The following PTPRR variants were observed in gnomAD, a reference collection of about 807,000 sequenced individuals.
The protein encoded by PTPRR is protein tyrosine phosphatase receptor type R.
PTPRR carries 38 observed loss-of-function variants against 77.2 expected under a neutral mutation model. The ratio of observed to expected loss-of-function variants is 0.49; its 90% CI spans 0.38 to 0.65. The LOEUF is 0.65. Among genes scored for constraint, PTPRR ranks in the 30% least tolerant of loss-of-function variants. PTPRR has a pLI of 0.00. For missense variants in PTPRR, 744 were observed against 799.2 expected, an observed-to-expected ratio of 0.93 and a Z score of 0.83; for synonymous variants, 299 against 283.1, an observed-to-expected ratio of 1.06 and a Z score of -0.57.
chr12:70,709,265 A>G (rs1341118351), intron 6 of PTPRR, among the ~76,000 whole-genome samples: 1 of 152,146 alleles, frequency 6.6e-6, no homozygotes, highest in Non-Finnish European at 1.5e-5. Flanking sequence ...AAAATTCAAC[A>G]TCCATTCATG....
chr12:70,806,194 C>T (rs1891706384), intron 2 of PTPRR, among the ~76,000 whole-genome samples: 1 of 152,148 alleles, frequency 6.6e-6, no homozygotes, highest in Non-Finnish European at 1.5e-5. Context: ...TGTATATTGG[C>T]TGCCTGTTTG....
chr12:70,729,044 C>T (rs1361108180), intron 6 of PTPRR, among the ~76,000 whole-genome samples: 1 of 152,138 alleles, frequency 6.6e-6, no homozygotes, highest in Non-Finnish European at 1.5e-5. Context: ...GGCTCTGCAA[C>T]AGCTGTAGAG....
At chr12:70,857,213 C>T (rs1363756967) in intron 2 of PTPRR, among the ~76,000 whole-genome samples, 1 of 152,032 alleles carries the variant, frequency 6.6e-6, no homozygotes, top group African/African-American at 2.4e-5. Context: ...CTGGGACACA[C>T]CTCTGAGGAA....
intron 8 of PTPRR, among the ~76,000 whole-genome samples, chr12:70,689,883 C>T (rs1323755212): frequency 2.0e-5 from 3 of 152,182 alleles, no homozygotes; most frequent in African/African-American, 7.2e-5. Flanking sequence ...CAATAAGATC[C>T]CAATTCTGGC....
chr12:70,653,641 C>T (rs1886475156), intron 13 of PTPRR, among the ~76,000 whole-genome samples: 1 of 152,172 alleles, frequency 6.6e-6, no homozygotes, highest in African/African-American at 2.4e-5. Flanking sequence ...ACTGTGGAAA[C>T]TTGATTGAAT....
intron 2 of PTPRR, among the ~76,000 whole-genome samples, chr12:70,810,021 T>A (rs1300060838): frequency 6.6e-6 from 1 of 152,170 alleles, no homozygotes; most frequent in Non-Finnish European, 1.5e-5. Context: ...TCATAAGATA[T>A]CCCACAAGGA....
At chr12:70,820,560 C>T (rs919434460) in intron 2 of PTPRR, among the ~76,000 whole-genome samples, 1 of 152,192 alleles carries the variant, frequency 6.6e-6, no homozygotes, top group Non-Finnish European at 1.5e-5. Context: ...GTCTCGATCT[C>T]CTGAGCTCGT....
intron 13 of PTPRR, among the ~76,000 whole-genome samples, chr12:70,652,487 C>G (rs1886432833): frequency 6.6e-6 from 1 of 152,198 alleles, no homozygotes; most frequent in African/African-American, 2.4e-5. Flanking sequence ...AGGAGAGGAT[C>G]TGTTTCATAA....
At chr12:70,896,560 A>C (rs901950637) in intron 1 of PTPRR, among the ~76,000 whole-genome samples, 8 of 151,826 alleles carry the variant, frequency 5.3e-5, no homozygotes, top group South Asian at 2.1e-4. Context: ...AGGAATCAGT[A>C]ACAGAAAGAA....
intron 2 of PTPRR, among the ~76,000 whole-genome samples, chr12:70,796,926 G>A (rs181308817): frequency 2.6e-5 from 4 of 152,260 alleles, no homozygotes; most frequent in African/African-American, 9.6e-5. Flanking sequence ...GCTGAGGCAG[G>A]AGAATCCCTC....
chr12:70,682,034 CTTTTTTTTTT>C (rs578204454), intron 10 of PTPRR, among the ~76,000 whole-genome samples: 1 of 62,722 alleles, frequency 1.6e-5, no homozygotes, highest in East Asian at 6.4e-4. Flanking sequence ...TTGTTGTTCA[CTTTTTTTTTT>C]TTTTTTTTTT....
chr12:70,815,124 AT>A, intron 2 of PTPRR, among the ~76,000 whole-genome samples: 2 of 8,118 alleles, frequency 2.5e-4, no homozygotes, highest in African/African-American at 1.5e-4. Flanking sequence ...CTAAGGAGAG[AT>A]AAGATATCAA....
At chr12:70,764,883 G>A (rs1262442899) in intron 2 of PTPRR, 105 bp from the exon 3 acceptor site, 1 of 780,310 alleles carries the variant, frequency 1.3e-6, no homozygotes, top group Admixed American at 2.2e-5. Context: ...TTCAGTTCTT[G>A]ACTCATGACT....
chr12:70,765,760 C>T (rs994531916), intron 2 of PTPRR, among the ~76,000 whole-genome samples: 1 of 152,142 alleles, frequency 6.6e-6, no homozygotes, highest in African/African-American at 2.4e-5. Context: ...GGGAGGCACC[C>T]CCCCAGAAGG....
intron 2 of PTPRR, among the ~76,000 whole-genome samples, chr12:70,889,256 C>A (rs1400573141): frequency 2.0e-5 from 3 of 152,028 alleles, no homozygotes; most frequent in Non-Finnish European, 4.4e-5. Flanking sequence ...AAAAAGTATC[C>A]AACAGTTATT....
At chr12:70,668,930 G>C (rs1434399277) in intron 10 of PTPRR, among the ~76,000 whole-genome samples, 1 of 152,048 alleles carries the variant, frequency 6.6e-6, no homozygotes, top group Non-Finnish European at 1.5e-5. Flanking sequence ...GACATATATG[G>C]TAGCTGCAAT....
At chr12:70,746,696 T>C (rs75571807) in intron 5 of PTPRR, among the ~76,000 whole-genome samples, 3,723 of 152,108 alleles carry the variant, frequency 0.024, 151 homozygotes, top group African/African-American at 0.084. Flanking sequence ...TTAATATTTA[T>C]TTTATTTTAT....
At chr12:70,822,851 T>A (rs944214731) in intron 2 of PTPRR, among the ~76,000 whole-genome samples, 3 of 152,148 alleles carry the variant, frequency 2.0e-5, no homozygotes, top group African/African-American at 7.2e-5. Context: ...CTTAATTTAT[T>A]GGTAGATTAG....
At chr12:70,788,446 G>A (rs1891366472) in intron 2 of PTPRR, among the ~76,000 whole-genome samples, 1 of 152,182 alleles carries the variant, frequency 6.6e-6, no homozygotes, top group Admixed American at 6.5e-5. Context: ...TGATGTCAGT[G>A]TGGGAACCAC....
Sources: allele counts gnomAD v4.1 joint callset (sites outside exome capture counted in the v4.1 genomes callset), GRCh38; gene constraint gnomAD v4.1.1; transcripts MANE v1.5; gene names NCBI Gene and HGNC (gene_info 2026-07-23, HGNC 2026-07-21).